Variants in HIRA observed in about 807,000 individuals in gnomAD.
The protein encoded by HIRA is protein HIRA.
Under a neutral mutation model 126.6 loss-of-function variants are expected in HIRA, and 13 were observed. The ratio of observed to expected loss-of-function variants is 0.10; its 90% CI spans 0.07 to 0.16. The LOEUF is 0.16. Ranked by LOEUF, HIRA falls within the 10% of genes least tolerant of loss-of-function variation. HIRA has a pLI of 1.00. For missense variants in HIRA, 834 were observed against 1,314.4 expected (o/e 0.63, Z 5.65); for synonymous variants, 511 against 520.0 (o/e 0.98, Z 0.24).
In HIRA at chr22:19,342,317, AG is replaced by A. The variant is rs1601801206; in HGVS notation, c.2937+9040del. On this transcript the variant is annotated intron_variant, in intron 24 of 24. Transcript: ENST00000263208. The stretch of plus-strand genomic sequence containing the variant: ...ATAAAAAAAATAGATATTAGCATGG[AG>A]GTGGTGAAAAGGGAACACTTTTACA... Among the ~76,000 whole-genome samples, 8 of 152,306 alleles carry A rather than the reference AG, an allele frequency of 5.3e-5. No individual in the cohort carries two copies. The South Asian group carries it at 1.7e-3, about 32-fold the overall frequency.
At chr22:19,430,014 A>C (rs2089518725) in intron 1 of HIRA, 1 of 152,228 alleles carries the variant, frequency 6.6e-6, no homozygotes, top group Non-Finnish European at 1.5e-5. Context: ...AATGAAACTA[A>C]AACTCAAGGC....
At chr22:19,426,575 C>T (rs1373744698) in intron 1 of HIRA, among the ~76,000 whole-genome samples, 1 of 152,210 alleles carries the variant, frequency 6.6e-6, no homozygotes, top group East Asian at 1.9e-4. Context: ...TCCTGTTTCC[C>T]CTGCCCTGCA....
At chr22:19,378,666 ACT>A (rs1170843308) in intron 13 of HIRA, among the ~76,000 whole-genome samples, 1 of 152,004 alleles carries the variant, frequency 6.6e-6, no homozygotes, top group East Asian at 1.9e-4. Context: ...AAGTGCCAGG[ACT>A]CTCCCCATGG....
intron 24 of HIRA, among the ~76,000 whole-genome samples, chr22:19,333,614 G>C (rs1411789771): frequency 6.6e-6 from 1 of 152,098 alleles, no homozygotes; most frequent in Non-Finnish European, 1.5e-5. Context: ...TGTATTAGTA[G>C]ACCCCCGTCT....
At chr22:19,411,422 G>C (rs5748188) in intron 1 of HIRA, among the ~76,000 whole-genome samples, 23,087 of 152,226 alleles carry the variant, frequency 0.15, 3,835 homozygotes, top group African/African-American at 0.41. Context: ...ATCCCATGAA[G>C]CTAGCTGGCT....
At chr22:19,379,703 C>G (rs2089054809) in intron 13 of HIRA, among the ~76,000 whole-genome samples, 1 of 137,194 alleles carries the variant, frequency 7.3e-6, no homozygotes, top group Admixed American at 7.2e-5. Context: ...GCTTTGTCTA[C>G]TGTTTTGTTA....
intron 15 of HIRA, among the ~76,000 whole-genome samples, chr22:19,363,876 C>A (rs2146200147): frequency 6.6e-6 from 1 of 152,284 alleles, no homozygotes; most frequent in South Asian, 2.1e-4. Context: ...GCACTCCAGC[C>A]TGGGCAATAG....
In HIRA at chr22:19,331,024, C is replaced by T. The variant is rs1438413258; in HGVS notation, c.*416G>A. On this transcript the variant is annotated 3_prime_UTR_variant, in exon 25 of 25. Transcript: ENST00000263208. ...CTTTCCTTTTACATAGGTCTTAGGT[C>T]AGTCTGCTGTAATACCTAACGCTTC... 1 of 619,516 alleles carries T rather than the reference C, an allele frequency of 1.6e-6. No individual in the cohort carries two copies. Among genetic ancestry groups the T allele is most frequent in the East Asian group, 7.0e-5 (1 of 14,356 alleles). 38.4% of individuals were successfully genotyped at this position (619,516 alleles called of 1,614,324 possible).
chr22:19,386,365 C>T (rs1006182124), intron 11 of HIRA, among the ~76,000 whole-genome samples: 6 of 152,202 alleles, frequency 3.9e-5, no homozygotes, highest in African/African-American at 1.4e-4. Context: ...GATGGTGTCC[C>T]CAGCACACTG....
chr22:19,413,595 CTATTTATTTATTTATTTATTTATT>C (rs376817979), intron 1 of HIRA, among the ~76,000 whole-genome samples: 1 of 143,668 alleles, frequency 7.0e-6, no homozygotes, highest in African/African-American at 2.6e-5. Context: ...GGGAATGAAA[CTATTTATTTATTTATTTATTTATT>C]TATTTATTTA....
chr22:19,367,484 A>G (rs570058523), intron 15 of HIRA, among the ~76,000 whole-genome samples: 6 of 151,758 alleles, frequency 4.0e-5, no homozygotes, highest in Admixed American at 3.9e-4. Flanking sequence ...CTCCTGCCTC[A>G]GCCTCCCAAG....
chr22:19,382,912 T>C (rs2089089557), intron 13 of HIRA, among the ~76,000 whole-genome samples: 2 of 152,184 alleles, frequency 1.3e-5, no homozygotes, highest in South Asian at 4.1e-4. Flanking sequence ...CAGGGAAATA[T>C]GTTTGGGAGC....
chr22:19,402,807 T>C (rs1163429258), intron 5 of HIRA, among the ~76,000 whole-genome samples: 3 of 152,132 alleles, frequency 2.0e-5, no homozygotes, highest in Non-Finnish European at 4.4e-5. Context: ...CTCTACCATG[T>C]TAAGGAAATA....
chr22:19,390,522 C>CA (rs1450632143), intron 9 of HIRA, among the ~76,000 whole-genome samples: 1 of 137,454 alleles, frequency 7.3e-6, no homozygotes, highest in Non-Finnish European at 1.5e-5. Flanking sequence ...ACCCAGGAGG[C>CA]AGAGGTTGCA....
At chr22:19,404,000 G>A (rs1450820382) in intron 5 of HIRA, among the ~76,000 whole-genome samples, 1 of 152,046 alleles carries the variant, frequency 6.6e-6, no homozygotes, top group South Asian at 2.1e-4. Flanking sequence ...TAGCTTAATA[G>A]TACAAACATT....
At chr22:19,387,846 A>G in intron 10 of HIRA, 30 bp from the exon 11 acceptor site, 1 of 1,530,932 alleles carries the variant, frequency 6.5e-7, no homozygotes, top group Non-Finnish European at 9.0e-7. Context: ...GCAGCCTGGT[A>G]GCAAGAGCCC....
At chr22:19,355,909 C>A in intron 20 of HIRA, 44 bp from the exon 21 acceptor site, 1 of 1,341,728 alleles carries the variant, frequency 7.5e-7, no homozygotes, top group Non-Finnish European at 1.1e-6. Context: ...CTCTGATCAG[C>A]AAGTGTTTTC....
intron 24 of HIRA, among the ~76,000 whole-genome samples, chr22:19,345,992 C>T (rs554619752): frequency 1.8e-4 from 28 of 152,280 alleles, no homozygotes; most frequent in Non-Finnish European, 4.0e-4. Flanking sequence ...ACATAGAGTT[C>T]CTACAAACCA....
intron 1 of HIRA, among the ~76,000 whole-genome samples, chr22:19,421,973 G>C (rs2089449808): frequency 6.6e-6 from 1 of 151,890 alleles, no homozygotes; most frequent in African/African-American, 2.4e-5. Context: ...TGCCCGGCCT[G>C]TTCTATCTTA....
Sources: gnomAD v4.1 joint callset for allele counts (sites outside exome capture counted in the v4.1 genomes callset) on GRCh38, gnomAD v4.1.1 for gene constraint, MANE v1.5 for transcripts, NCBI Gene and HGNC (gene_info 2026-07-23, HGNC 2026-07-21) for gene names.